The following DAB1 variants were observed in gnomAD, a reference collection of about 807,000 sequenced individuals.
The protein encoded by DAB1 is DAB adaptor protein 1.
DAB1 carries 15 observed loss-of-function variants against 64.6 expected under a neutral mutation model. The ratio of observed to expected loss-of-function variants is 0.23; its 90% CI spans 0.16 to 0.36. The LOEUF (loss-of-function observed/expected upper bound fraction) is 0.36. Among genes scored for constraint, DAB1 ranks in the 10% least tolerant of loss-of-function variants. The probability of loss-of-function intolerance (pLI) is 1.00; values close to 1 mark genes in which losing one functional copy is unlikely to be tolerated. For synonymous variants in DAB1, 235 were observed against 251.9 expected (o/e 0.93, Z 0.64); for missense variants, 596 against 706.7 (o/e 0.84, Z 1.78).
At chr1:57,583,433 C>G (rs547225822) in intron 7 of DAB1, among the ~76,000 whole-genome samples, 5 of 151,740 alleles carry the variant, frequency 3.3e-5, no homozygotes, top group African/African-American at 1.2e-4. Context: ...ACTACACGCG[C>G]GCGCCAATAT....
intron 4 of DAB1, among the ~76,000 whole-genome samples, chr1:58,307,050 C>A (rs1662324373): frequency 6.6e-6 from 1 of 152,192 alleles, no homozygotes; most frequent in Non-Finnish European, 1.5e-5. Flanking sequence ...ACATCAGAAC[C>A]AAAAGCTGAC....
At chr1:57,482,403 G>C (rs1340996593) in intron 7 of DAB1, among the ~76,000 whole-genome samples, 1 of 141,110 alleles carries the variant, frequency 7.1e-6, no homozygotes, top group Admixed American at 7.7e-5. Flanking sequence ...TCATTACCTC[G>C]AAGTACTTTT....
chr1:57,469,217 T>C (rs1687058613), intron 7 of DAB1, among the ~76,000 whole-genome samples: 1 of 152,186 alleles, frequency 6.6e-6, no homozygotes, highest in Non-Finnish European at 1.5e-5. Context: ...TGGGCATGAT[T>C]CCTACATTAT....
At chr1:57,790,571 C>T (rs1288803989) in intron 6 of DAB1, among the ~76,000 whole-genome samples, 1 of 152,124 alleles carries the variant, frequency 6.6e-6, no homozygotes, top group Non-Finnish European at 1.5e-5. Context: ...TATCCCAGAA[C>T]CAGCCCAAAG....
chr1:57,576,580 A>G (rs967330852), intron 7 of DAB1, among the ~76,000 whole-genome samples: 13 of 152,178 alleles, frequency 8.5e-5, no homozygotes, highest in African/African-American at 3.1e-4. Context: ...ATCTCCTACA[A>G]GTTTCAGAGG....
At chr1:57,897,130 C>T (rs1183994926) in intron 5 of DAB1, among the ~76,000 whole-genome samples, 3 of 152,094 alleles carry the variant, frequency 2.0e-5, no homozygotes, top group Non-Finnish European at 4.4e-5. Context: ...AGGCAATTAG[C>T]GTAATCAGGA....
At chr1:57,616,150 TC>T in intron 7 of DAB1, among the ~76,000 whole-genome samples, 1 of 152,224 alleles carries the variant, frequency 6.6e-6, no homozygotes, top group African/African-American at 2.4e-5. Flanking sequence ...CCCCGACATT[TC>T]CTTTGCTTCT....
intron 6 of DAB1, among the ~76,000 whole-genome samples, chr1:57,769,760 C>G (rs1649475285): frequency 6.6e-6 from 1 of 152,158 alleles, no homozygotes; most frequent in African/African-American, 2.4e-5. Context: ...ATAGAAACTG[C>G]TAAGAGTTCC....
chr1:57,843,342 C>T (rs1011837500), intron 1 of DAB1, among the ~76,000 whole-genome samples: 10 of 152,132 alleles, frequency 6.6e-5, no homozygotes, highest in African/African-American at 2.4e-4. Flanking sequence ...GATTTATGCT[C>T]AGTCAAGTTT....
At chr1:57,784,524 G>GA (rs536255735) in intron 6 of DAB1, among the ~76,000 whole-genome samples, 178 of 152,286 alleles carry the variant, frequency 1.2e-3, no homozygotes, top group African/African-American at 4.2e-3. Context: ...ATAAGGAAGT[G>GA]AAACAGCCTT....
chr1:58,394,556 C>A (rs966290204), intron 3 of DAB1, among the ~76,000 whole-genome samples: 1 of 152,136 alleles, frequency 6.6e-6, no homozygotes, highest in Non-Finnish European at 1.5e-5. Flanking sequence ...GCTGGAACAA[C>A]TGGATAACTA....
intron 4 of DAB1, among the ~76,000 whole-genome samples, chr1:58,234,410 G>C (rs1193503169): frequency 3.3e-5 from 5 of 152,194 alleles, no homozygotes; most frequent in African/African-American, 4.8e-5. Context: ...CAGAGCAAGA[G>C]AGCCCCACAA....
At chr1:58,215,670 T>C (rs540822770) in intron 4 of DAB1, among the ~76,000 whole-genome samples, 120 of 152,290 alleles carry the variant, frequency 7.9e-4, no homozygotes, top group Middle Eastern at 3.4e-3. Context: ...AGTTACTCCT[T>C]GAGGGGAGCC....
intron 1 of DAB1, among the ~76,000 whole-genome samples, chr1:57,304,555 C>A (rs192647795): frequency 2.6e-5 from 4 of 152,308 alleles, no homozygotes; most frequent in African/African-American, 7.2e-5. Flanking sequence ...CTCTTGAAGT[C>A]TTTGAGCCTC....
At chr1:58,228,838 A>G (rs898264631) in intron 4 of DAB1, 3 of 635,578 alleles carry the variant, frequency 4.7e-6, no homozygotes, top group Non-Finnish European at 8.8e-6. Flanking sequence ...CCAGCAAGAG[A>G]CACCAGGGAG....
intron 2 of DAB1, among the ~76,000 whole-genome samples, chr1:57,159,381 G>A (rs1247977260): frequency 1.3e-5 from 2 of 152,128 alleles, no homozygotes; most frequent in Non-Finnish European, 2.9e-5. Context: ...AGATGATCAT[G>A]CCAAATCAGT....
At chr1:57,059,261 T>G (rs544904711) in intron 9 of DAB1, among the ~76,000 whole-genome samples, 54 of 152,274 alleles carry the variant, frequency 3.5e-4, no homozygotes, top group African/African-American at 1.3e-3. Context: ...GGATCAGAGA[T>G]GCAAAAAGCT....
rs764913857 is a variant in DAB1, at chr1:57,363,519, T to C, written c.-137+60411A>G. Among the ~76,000 whole-genome samples, 7 of 152,218 alleles carry C rather than the reference T, an allele frequency of 4.6e-5. 1 individual carries two copies. The highest frequency in any genetic ancestry group is 1.0e-4 in the Non-Finnish European group (7 of 68,032). Reference sequence around the variant, plus strand: ...TTCCCTACACTCAATTTCCTCATTGTAAAATGGTGATAATAATAGTTCTCA... The same window carrying C: ...TTCCCTACACTCAATTTCCTCATTGCAAAATGGTGATAATAATAGTTCTCA... On this transcript the variant is annotated intron_variant, in intron 1 of 14. Transcript: ENST00000371236.
intron 5 of DAB1, among the ~76,000 whole-genome samples, chr1:57,909,993 A>G (rs1194726719): frequency 6.6e-6 from 1 of 152,224 alleles, no homozygotes; most frequent in Non-Finnish European, 1.5e-5. Context: ...CAGATGAGTG[A>G]AGTGTCTCTG....
Sources: allele counts gnomAD v4.1 joint callset (sites outside exome capture counted in the v4.1 genomes callset), GRCh38; gene constraint gnomAD v4.1.1; transcripts MANE v1.5; gene names NCBI Gene and HGNC (gene_info 2026-07-23, HGNC 2026-07-21).